Variants in DDAH1 observed in about 807,000 individuals in gnomAD.
DDAH1 encodes dimethylarginine dimethylaminohydrolase 1, also known as N(G),N(G)-dimethylarginine dimethylaminohydrolase 1.
A neutral mutation model predicts 28.8 loss-of-function variants in DDAH1; 19 were observed. The ratio of observed to expected loss-of-function variants is 0.66; its 90% CI spans 0.46 to 0.97. The LOEUF (loss-of-function observed/expected upper bound fraction) is 0.97, where lower values mean the gene tolerates loss of function less well. Among genes scored for constraint, DDAH1 ranks in the 50% least tolerant of loss-of-function variants. DDAH1 has a pLI of 0.00. For synonymous variants in DDAH1, 153 were observed against 154.4 expected (o/e 0.99, Z 0.07); for missense variants, 326 against 375.9 (o/e 0.87, Z 1.10).
intron 1 of DDAH1, among the ~76,000 whole-genome samples, chr1:85,549,902 G>A (rs576141551): frequency 2.6e-5 from 4 of 152,096 alleles, no homozygotes; most frequent in Admixed American, 2.0e-4. Context: ...TTAACACTTC[G>A]ACTGGGGATC....
chr1:85,559,677 T>A lies in DDAH1; in HGVS notation c.-123+18307A>T, dbSNP rs1334981260. On this transcript the variant is annotated intron_variant, in intron 1 of 6. Coordinates refer to the DDAH1 transcript ENST00000426972. Reference sequence around the variant, plus strand: ...ATAGAACTTCTAGGGATGAAGAGTATAACATCTAAAATAAAGATTTCACTG... The same window carrying A: ...ATAGAACTTCTAGGGATGAAGAGTAAAACATCTAAAATAAAGATTTCACTG... 3.9e-5 allele frequency among the ~76,000 whole-genome samples: 6 copies of A among 152,070 alleles called. No individual in the cohort carries two copies. In the South Asian group the frequency reaches 1.0e-3, roughly 26 times the overall value.
chr1:85,563,317 A>G (rs879720281), intron 1 of DDAH1, among the ~76,000 whole-genome samples: 1 of 152,232 alleles, frequency 6.6e-6, no homozygotes, highest in Non-Finnish European at 1.5e-5. Flanking sequence ...GGCTGGGGAA[A>G]GAACTGCCTA....
At chr1:85,397,307 C>T (rs2100568077) in intron 1 of DDAH1, among the ~76,000 whole-genome samples, 1 of 152,200 alleles carries the variant, frequency 6.6e-6, no homozygotes, top group South Asian at 2.1e-4. Flanking sequence ...AAAATTCTGA[C>T]AAGTACAGGT....
At chr1:85,343,726 T>C (rs1365752909) in intron 4 of DDAH1, among the ~76,000 whole-genome samples, 1 of 152,246 alleles carries the variant, frequency 6.6e-6, no homozygotes, top group Non-Finnish European at 1.5e-5. Flanking sequence ...GTCTTTTGGG[T>C]TTTGCTAGTT....
At chr1:85,342,230 C>T (rs1033943810) in intron 4 of DDAH1, among the ~76,000 whole-genome samples, 2 of 152,124 alleles carry the variant, frequency 1.3e-5, no homozygotes, top group Non-Finnish European at 2.9e-5. Context: ...GCCCTGTAGG[C>T]AATTATGCTT....
intron 2 of DDAH1, among the ~76,000 whole-genome samples, chr1:85,491,045 T>C (rs933128543): frequency 3.4e-5 from 2 of 59,322 alleles, no homozygotes; most frequent in Admixed American, 4.8e-4. Flanking sequence ...TAACATGTAT[T>C]CTTTTTTTTT....
intron 1 of DDAH1, among the ~76,000 whole-genome samples, chr1:85,373,741 A>T (rs1267079255): frequency 6.6e-6 from 1 of 152,148 alleles, no homozygotes; most frequent in African/African-American, 2.4e-5. Context: ...TATCCTTATA[A>T]ATACCCAGGG....
intron 4 of DDAH1, among the ~76,000 whole-genome samples, chr1:85,336,292 C>T (rs1454552124): frequency 6.6e-6 from 1 of 152,000 alleles, no homozygotes; most frequent in Admixed American, 6.5e-5. Context: ...AATTAGGCCC[C>T]AAACAAGTAT....
chr1:85,565,162 A>C (rs1458271481), intron 1 of DDAH1, among the ~76,000 whole-genome samples: 3 of 152,110 alleles, frequency 2.0e-5, no homozygotes, highest in Non-Finnish European at 2.9e-5. Flanking sequence ...AGATTGTGCC[A>C]CTGTACTCCA....
At chr1:85,478,277 G>A (rs1655871046) in intron 2 of DDAH1, among the ~76,000 whole-genome samples, 1 of 152,180 alleles carries the variant, frequency 6.6e-6, no homozygotes, top group African/African-American at 2.4e-5. Flanking sequence ...ACTCTAACTT[G>A]CTTTTTGCCA....
At chr1:85,477,177 G>A (rs563157106) in intron 2 of DDAH1, among the ~76,000 whole-genome samples, 1 of 152,188 alleles carries the variant, frequency 6.6e-6, no homozygotes, top group Non-Finnish European at 1.5e-5. Flanking sequence ...AAGACACAAG[G>A]TGGGAGGGAA....
chr1:85,381,069 T>C (rs1469790024), intron 1 of DDAH1, among the ~76,000 whole-genome samples: 3 of 150,490 alleles, frequency 2.0e-5, no homozygotes, highest in Non-Finnish European at 4.4e-5. Flanking sequence ...AAACCTCATC[T>C]CTACTAAAAA....
chr1:85,507,689 G>T (rs1657069564), intron 1 of DDAH1, among the ~76,000 whole-genome samples: 1 of 151,866 alleles, frequency 6.6e-6, no homozygotes. Flanking sequence ...GTTTCTAAAA[G>T]TTTTAGCTGT....
intron 2 of DDAH1, among the ~76,000 whole-genome samples, chr1:85,490,878 T>C (rs1656370946): frequency 6.6e-6 from 1 of 152,194 alleles, no homozygotes; most frequent in African/African-American, 2.4e-5. Context: ...TGCTCAGGGC[T>C]CATGGCATCT....
chr1:85,337,480 G>T (rs1400346036), intron 4 of DDAH1, among the ~76,000 whole-genome samples: 3 of 147,884 alleles, frequency 2.0e-5, no homozygotes, highest in African/African-American at 5.0e-5. Context: ...TTGAGATGTA[G>T]TCTCACTCTG....
At chr1:85,349,288 G>A (rs1649053233) in intron 4 of DDAH1, among the ~76,000 whole-genome samples, 1 of 152,212 alleles carries the variant, frequency 6.6e-6, no homozygotes, top group African/African-American at 2.4e-5. Context: ...TTTGGGAAGA[G>A]GTGGAAGAAA....
intron 2 of DDAH1, chr1:85,494,279 T>C (rs1317323545): frequency 6.6e-6 from 1 of 152,232 alleles, no homozygotes; most frequent in African/African-American, 2.4e-5. Flanking sequence ...AAAATTGCAT[T>C]AAGGCTGCCT....
At chr1:85,497,332 A>C (rs1656635855) in intron 1 of DDAH1, among the ~76,000 whole-genome samples, 2 of 152,234 alleles carry the variant, frequency 1.3e-5, no homozygotes, top group South Asian at 4.1e-4. Context: ...CTGGTGACCC[A>C]AAAAGCCATG....
chr1:85,500,308 TC>T (rs772075393), intron 1 of DDAH1, among the ~76,000 whole-genome samples: 21 of 151,454 alleles, frequency 1.4e-4, no homozygotes, highest in Non-Finnish European at 2.9e-4. Flanking sequence ...TTTCTTACTT[TC>T]ATTTTTTTAA....
Sources: allele counts gnomAD v4.1 joint callset (sites outside exome capture counted in the v4.1 genomes callset), GRCh38; gene constraint gnomAD v4.1.1; transcripts MANE v1.5; gene names NCBI Gene and HGNC (gene_info 2026-07-23, HGNC 2026-07-21).